Variants in ANKRD2 observed in about 807,000 individuals in gnomAD.
ANKRD2 encodes the protein ankyrin repeat domain-containing protein 2.
In ANKRD2, 35 loss-of-function variants were observed where a neutral mutation model predicts 37.3. The ratio of observed to expected loss-of-function variants is 0.94; its 90% CI spans 0.72 to 1.24. The LOEUF is 1.24. Ranked by LOEUF, ANKRD2 falls within the 50% of genes most tolerant of loss-of-function variation. The pLI is 0.00. For synonymous variants in ANKRD2, 159 were observed against 186.5 expected, an observed-to-expected ratio of 0.85 and a Z score of 1.20; for missense variants, 410 against 445.6, an observed-to-expected ratio of 0.92 and a Z score of 0.72.
rs777944859 is a variant in ANKRD2, at chr10:97,580,836, A to G, written c.457-19A>G. 3 of 1,598,826 alleles carry G rather than the reference A, an allele frequency of 1.9e-6. No homozygotes were observed. The highest frequency in any genetic ancestry group is 2.6e-6 in the Non-Finnish European group (3 of 1,171,400). On this transcript the variant is annotated intron_variant, in intron 4 of 8. Coordinates refer to ENST00000370655, the MANE Select transcript of ANKRD2 (RefSeq NM_001346793.2). ...GCCTGGAGCCAGAGGCCAGGCCCTG[A>G]CAGCCTCTCTGGGGACAGTTCCGTC...
intron 4 of ANKRD2, 94 bp downstream of exon 4, chr10:97,578,699 G>C (rs1352729503): frequency 1.0e-6 from 1 of 990,344 alleles, no homozygotes; most frequent in Non-Finnish European, 1.5e-6. Flanking sequence ...GCCTATTTGA[G>C]AGGAGGCACC....
intron 1 of ANKRD2, among the ~76,000 whole-genome samples, chr10:97,577,011 A>G (rs1167752506): frequency 6.6e-6 from 1 of 150,616 alleles, no homozygotes; most frequent in Non-Finnish European, 1.5e-5. Flanking sequence ...TTATTTTTTG[A>G]GGCAGGGTCA....
chr10:97,578,335 C>CAAGCAGAAG lies in ANKRD2; in HGVS notation c.290_298dup (p.Gln97_Lys99dup). ...ACCTCATCGAGCTGCGGAAGAAACG[C>CAAGCAGAAG]AAGCAGAAGAAGCGGGACGCTCTGG... On this transcript the variant is annotated inframe_insertion, in exon 3 of 9. Transcript: ENST00000370655. 6.2e-7 allele frequency: 1 copy of CAAGCAGAAG among 1,613,514 alleles called. No homozygotes were observed.
At chr10:97,572,466 C>G (rs12219064), upstream of ANKRD2, 157,940 of 521,568 alleles carry the variant, frequency 0.3, 25,645 homozygotes, top group East Asian at 0.5. Flanking sequence ...CCAGCAGTTC[C>G]CTTTTGCAAC....
chr10:97,572,956 A>G (rs2040779253), intron 1 of ANKRD2, 81 bp downstream of exon 1: 2 of 1,487,632 alleles, frequency 1.3e-6, no homozygotes, highest in Non-Finnish European at 1.8e-6. Context: ...CCTGTCTGCT[A>G]CACCTGTGGT....
In ANKRD2 at chr10:97,578,411, G is replaced by A; in HGVS notation, c.348+13G>A. ...GCCCGAGGAGATCGTAAGGGTCCTG[G>A]GGAGGACACCGCGAGGGGGCGGAGG... is the stretch of plus-strand genomic sequence containing the variant. On this transcript the variant is annotated intron_variant, in intron 3 of 8. Coordinates refer to ENST00000370655, the MANE Select transcript of ANKRD2 (RefSeq NM_001346793.2). 4 of 1,613,550 alleles carry A rather than the reference G, an allele frequency of 2.5e-6. No homozygotes were observed. The highest frequency in any genetic ancestry group is 1.1e-5 in the South Asian group (1 of 91,030).
rs766169707 is a variant in ANKRD2 at position 97,578,377 on chromosome 10, G to A, written c.327G>A (p.Pro109=). 1 of 1,613,720 alleles carries A rather than the reference G, an allele frequency of 6.2e-7. No homozygotes were observed. The highest frequency in any genetic ancestry group is 1.1e-5 in the South Asian group (1 of 91,056). ...KRDALAASHE[P]PPEPEEITGP... is the part of the protein sequence containing the mutation. ...ACGCTCTGGCCGCCTCGCATGAGCC[G>A]CCCCCAGAGCCCGAGGAGATCGTAA... Residue 109 remains proline, a synonymous_variant, in exon 3 of 9, where the codon CCG becomes CCA. Coordinates refer to ENST00000370655, the MANE Select transcript of ANKRD2 (RefSeq NM_001346793.2).
At chr10:97,580,738 G>A in intron 4 of ANKRD2, 117 bp from the exon 5 acceptor site, 1 of 725,464 alleles carries the variant, frequency 1.4e-6, no homozygotes, top group Middle Eastern at 3.7e-4. Flanking sequence ...GAAAACATGG[G>A]GGCCAAGCAC....
chr10:97,580,956 G>A lies in ANKRD2; in HGVS notation c.555+3G>A, dbSNP rs370457242. The A allele has an allele frequency of 1.0e-4, 159 of 1,580,780 alleles. No individual in the cohort carries two copies. The highest frequency in any genetic ancestry group is 1.3e-4 in the Non-Finnish European group (152 of 1,162,990). On this transcript the variant is annotated splice_donor_region_variant and intron_variant, in intron 5 of 8. Coordinates refer to ENST00000370655, the MANE Select transcript of ANKRD2 (RefSeq NM_001346793.2). ...CCACTGTGGACTTCCAGGATCGGGT[G>A]AGTGAGAGGGCAGGTATTCAATGGG...
At chr10:97,581,550 A>G in intron 6 of ANKRD2, 136 bp downstream of exon 6, 2 of 871,332 alleles carry the variant, frequency 2.3e-6, no homozygotes, top group South Asian at 3.3e-5. Flanking sequence ...CAGGGAAGCT[A>G]AAACAGTGTC....
chr10:97,580,502 A>T (rs539702248), intron 4 of ANKRD2, among the ~76,000 whole-genome samples: 1 of 152,188 alleles, frequency 6.6e-6, no homozygotes, highest in South Asian at 2.1e-4. Flanking sequence ...GCCCTGGCCT[A>T]GAGGTTTCAA....
intron 1 of ANKRD2, among the ~76,000 whole-genome samples, chr10:97,573,650 C>T (rs1184003707): frequency 6.6e-6 from 1 of 152,202 alleles, no homozygotes; most frequent in Non-Finnish European, 1.5e-5. Flanking sequence ...TGGTCTCAAA[C>T]TCCTGGCCTC....
chr10:97,574,423 G>A lies in ANKRD2; in HGVS notation c.87+1548G>A, dbSNP rs147077436. 2.9e-3 allele frequency among the ~76,000 whole-genome samples: 435 copies of A among 152,320 alleles called. 2 individuals carry two copies. Among genetic ancestry groups the A allele is most frequent in the Non-Finnish European group, 3.2e-3 (216 of 68,030 alleles). ...AGCTGAAGTTTCCATGAGTGAAAGC[G>A]TGGCTGTCTTGATAAAGTCTGGTAG... On this transcript the variant is annotated intron_variant, in intron 1 of 8. Coordinates refer to ENST00000370655, the MANE Select transcript of ANKRD2 (RefSeq NM_001346793.2).
At chr10:97,580,102 C>G (rs956118354) in intron 4 of ANKRD2, among the ~76,000 whole-genome samples, 2 of 152,140 alleles carry the variant, frequency 1.3e-5, no homozygotes, top group Non-Finnish European at 2.9e-5. Context: ...GAGTCTTCAT[C>G]CTCTCAGTCT....
chr10:97,577,411 C>T (rs1174060251), intron 1 of ANKRD2, among the ~76,000 whole-genome samples: 1 of 152,204 alleles, frequency 6.6e-6, no homozygotes, highest in Non-Finnish European at 1.5e-5. Flanking sequence ...GGACTAAAGG[C>T]TGGCACTACC....
chr10:97,579,598 T>C (rs775927310), intron 4 of ANKRD2, among the ~76,000 whole-genome samples: 6 of 151,880 alleles, frequency 4.0e-5, no homozygotes, highest in African/African-American at 1.4e-4. Context: ...TTCTTTTTCT[T>C]TTTTTTTGAG....
Position 97,582,431 on chromosome 10 carries a change from C to T in ANKRD2, c.753+18C>T, listed in dbSNP as rs371643815. The T allele has an allele frequency of 9.5e-6, 15 of 1,575,850 alleles. No individual in the cohort carries two copies. In the African/African-American group the frequency reaches 1.2e-4, roughly 13 times the overall value. On this transcript the variant is annotated intron_variant, in intron 7 of 8. Transcript: ENST00000370655. The stretch of plus-strand genomic sequence containing the variant: ...GAGACAGGGTGAGTGCTAGCCTGTC[C>T]GCTGCTCACCCGCCATGGGTGTGTG...
At chr10:97,573,335 T>C (rs1190625574) in intron 1 of ANKRD2, among the ~76,000 whole-genome samples, 1 of 152,184 alleles carries the variant, frequency 6.6e-6, no homozygotes, top group East Asian at 1.9e-4. Context: ...CTGGCCACCC[T>C]TGGGGAGTCC....
chr10:97,576,616 A>G (rs983020006), intron 1 of ANKRD2, among the ~76,000 whole-genome samples: 3 of 152,108 alleles, frequency 2.0e-5, no homozygotes, highest in Non-Finnish European at 2.9e-5. Context: ...AGAAGTAATC[A>G]TCTCTCATCA....
Sources: gnomAD v4.1 joint callset for allele counts (sites outside exome capture counted in the v4.1 genomes callset) on GRCh38, gnomAD v4.1.1 for gene constraint, MANE v1.5 for transcripts, NCBI Gene and HGNC (gene_info 2026-07-23, HGNC 2026-07-21) for gene names.